Variants in DLC1 observed in about 807,000 individuals in gnomAD.
The protein encoded by DLC1 is rho GTPase-activating protein 7.
Under a neutral mutation model 140.3 loss-of-function variants are expected in DLC1, and 54 were observed. The ratio of observed to expected loss-of-function variants is 0.38; its 90% CI spans 0.31 to 0.48. The LOEUF (loss-of-function observed/expected upper bound fraction) is 0.48, where lower values mean the gene tolerates loss of function less well. Ranked by LOEUF, DLC1 falls within the 20% of genes least tolerant of loss-of-function variation. DLC1 has a pLI of 0.96. For missense variants in DLC1, 2,536 were observed against 1,907.0 expected (o/e 1.33, Z -6.14); for synonymous variants, 986 against 728.1 (o/e 1.35, Z -5.70).
intron 5 of DLC1, among the ~76,000 whole-genome samples, chr8:13,176,300 C>T (rs183977876): frequency 1.4e-4 from 21 of 152,144 alleles, no homozygotes; most frequent in African/African-American, 4.6e-4. Flanking sequence ...CTCTTTTGTC[C>T]GGGTGTGGTG....
chr8:13,211,895 A>G (rs573510773), intron 5 of DLC1, among the ~76,000 whole-genome samples: 253 of 152,294 alleles, frequency 1.7e-3, no homozygotes, highest in African/African-American at 6.0e-3. Context: ...ATAACTGTGT[A>G]TTGTATATGT....
At chr8:13,595,151 T>C (rs1041864691) in intron 1 of DLC1, among the ~76,000 whole-genome samples, 2 of 152,060 alleles carry the variant, frequency 1.3e-5, no homozygotes, top group African/African-American at 4.8e-5. Flanking sequence ...GTCACAAGCA[T>C]TAAGATTACT....
At chr8:13,342,990 T>C (rs1834148038) in intron 4 of DLC1, among the ~76,000 whole-genome samples, 1 of 152,182 alleles carries the variant, frequency 6.6e-6, no homozygotes, top group African/African-American at 2.4e-5. Flanking sequence ...AACCAAACAG[T>C]AATTTCTGAC....
intron 5 of DLC1, among the ~76,000 whole-genome samples, chr8:13,212,501 T>C (rs1280392783): frequency 1.3e-5 from 2 of 152,150 alleles, no homozygotes; most frequent in African/African-American, 4.8e-5. Flanking sequence ...CATAAGACCA[T>C]CTTTTTCTGC....
chr8:13,367,205 G>C (rs1349478398), intron 4 of DLC1, among the ~76,000 whole-genome samples: 1 of 152,056 alleles, frequency 6.6e-6, no homozygotes, highest in Non-Finnish European at 1.5e-5. Flanking sequence ...TCATACCTTG[G>C]GTCTTGCAAG....
At chr8:13,587,525 A>G (rs542632618) in intron 1 of DLC1, among the ~76,000 whole-genome samples, 226 of 149,176 alleles carry the variant, frequency 1.5e-3, no homozygotes, top group African/African-American at 5.4e-3. Context: ...TAAAGCTTTG[A>G]ACAGCACAAA....
At position 13,540,561 on chromosome 8, in the gene DLC1, G is replaced by A. The variant is rs556547800; in HGVS notation, c.-125-40365C>T. On this transcript the variant is annotated intron_variant, in intron 1 of 1. Coordinates refer to the DLC1 transcript ENST00000631382. ...GCCATCTCTTACAAAATGTGTCTGC[G>A]CAGACTGTAGGCTTTGGTTATATCA... is the stretch of plus-strand genomic sequence containing the variant. Among the ~76,000 whole-genome samples the A allele has an allele frequency of 4.1e-4, 62 of 152,288 alleles. 2 individuals carry two copies. In the South Asian group the frequency reaches 8.7e-3, roughly 21 times the overall value.
intron 1 of DLC1, among the ~76,000 whole-genome samples, chr8:13,528,141 C>T (rs1295027781): frequency 6.6e-6 from 1 of 152,054 alleles, no homozygotes; most frequent in African/African-American, 2.4e-5. Flanking sequence ...ACAACGATAA[C>T]TGAAAAAGCA....
intron 3 of DLC1, among the ~76,000 whole-genome samples, chr8:13,396,143 T>G (rs1344659052): frequency 6.8e-6 from 1 of 148,088 alleles, no homozygotes; most frequent in African/African-American, 2.5e-5. Context: ...CACTGCAAGC[T>G]CCGCCTCCTG....
intron 3 of DLC1, 41 bp from the exon 4 acceptor site, chr8:13,393,734 T>G (rs374415401): frequency 6.3e-7 from 1 of 1,585,034 alleles, no homozygotes; most frequent in African/African-American, 1.3e-5. Flanking sequence ...GACATGTGAA[T>G]GTTCCCAAAT....
chr8:13,510,363 G>C (rs1461926288), intron 1 of DLC1, among the ~76,000 whole-genome samples: 1 of 152,046 alleles, frequency 6.6e-6, no homozygotes, highest in Non-Finnish European at 1.5e-5. Flanking sequence ...TTTCAGGAGA[G>C]ATGGGGTTTC....
intron 1 of DLC1, among the ~76,000 whole-genome samples, chr8:13,548,923 A>T (rs57861397): frequency 0.2 from 30,385 of 152,002 alleles, 3,324 homozygotes; most frequent in Non-Finnish European, 0.23. Context: ...TCAGTGGAAG[A>T]TCAATTATAA....
intron 5 of DLC1, among the ~76,000 whole-genome samples, chr8:13,154,469 C>T (rs988366861): frequency 9.8e-5 from 15 of 152,330 alleles, no homozygotes; most frequent in South Asian, 2.1e-4. Context: ...CCAGGGCCGG[C>T]GGTGCCGGCC....
At position 13,084,274 on chromosome 8, in the gene DLC1, T is replaced by C. The variant is rs1312146539; in HGVS notation, c.*1537A>G. 1.3e-5 allele frequency: 2 copies of C among 152,592 alleles called. No homozygotes were observed. Among genetic ancestry groups the C allele is most frequent in the Non-Finnish European group, 2.9e-5 (2 of 68,012 alleles). The allele number at this position is 152,592 out of a possible 1,614,324, so 9.5% of individuals were successfully genotyped here. A position where few individuals can be genotyped will look rare whatever the true frequency, so the allele number is the denominator to read the frequency against. ...TCATGAGGAACACTGATATCCAAAA[T>C]ACTCAAATTTTAAAACTCTAATCTG... On this transcript the variant is annotated 3_prime_UTR_variant, in exon 18 of 18. Coordinates refer to ENST00000276297, the MANE Select transcript of DLC1 (RefSeq NM_182643.3).
chr8:13,088,282 A>G (rs1438414561), intron 16 of DLC1, among the ~76,000 whole-genome samples: 1 of 152,120 alleles, frequency 6.6e-6, no homozygotes, highest in Non-Finnish European at 1.5e-5. Context: ...GGGTCTTGCT[A>G]TATTACCCAG....
chr8:13,568,221 A>T, intron 1 of DLC1: 1 of 324,722 alleles, frequency 3.1e-6, no homozygotes, highest in South Asian at 7.6e-5. Flanking sequence ...AAACTTAAAA[A>T]GTAATAACTG....
chr8:13,564,647 TC>T (rs1437360614), intron 1 of DLC1, among the ~76,000 whole-genome samples: 4 of 152,158 alleles, frequency 2.6e-5, no homozygotes, highest in African/African-American at 4.8e-5. Flanking sequence ...TTTGCTTTTC[TC>T]CCTCCATAGG....
rs548874882 is a variant in DLC1 at position 13,328,894 on chromosome 8, A to G, written c.1315-23592T>C. Among the ~76,000 whole-genome samples the G allele has an allele frequency of 5.9e-5, 9 of 152,288 alleles. No individual in the cohort carries two copies. The South Asian group carries it at 1.9e-3, about 32-fold the overall frequency. On this transcript the variant is annotated intron_variant, in intron 4 of 17. Coordinates refer to ENST00000276297, the MANE Select transcript of DLC1 (RefSeq NM_182643.3). ...TGATCTGGGACTAGGTGAGATGAGA[A>G]TGCAAATGTGATCATTTCATCCTGC...
At chr8:13,149,393 C>A (rs1280967110) in intron 5 of DLC1, among the ~76,000 whole-genome samples, 1 of 152,178 alleles carries the variant, frequency 6.6e-6, no homozygotes, top group Non-Finnish European at 1.5e-5. Flanking sequence ...AGAACTTGCT[C>A]TGAAGCAGTC....
Sources: allele counts gnomAD v4.1 joint callset (sites outside exome capture counted in the v4.1 genomes callset), GRCh38; gene constraint gnomAD v4.1.1; transcripts MANE v1.5; gene names NCBI Gene and HGNC (gene_info 2026-07-23, HGNC 2026-07-21).